Variants in COL8A2 observed in about 807,000 individuals in gnomAD.
COL8A2 encodes the protein collagen type VIII alpha 2 chain, also known as collagen alpha-2(VIII) chain.
A neutral mutation model predicts 24.0 loss-of-function variants in COL8A2; 16 were observed. That is an observed-to-expected ratio of 0.67 (90% CI 0.45 to 1.01). COL8A2 has a LOEUF of 1.01. Among genes scored for constraint, COL8A2 ranks in the 50% least tolerant of loss-of-function variants. COL8A2 has a pLI of 0.00. For missense variants in COL8A2, 818 were observed against 942.4 expected (o/e 0.87, Z 1.73); for synonymous variants, 466 against 424.5 (o/e 1.10, Z -1.20).
intron 2 of COL8A2, among the ~76,000 whole-genome samples, chr1:36,111,987 G>GTTGT (rs1349653980): frequency 6.6e-6 from 1 of 152,000 alleles, no homozygotes; most frequent in Non-Finnish European, 1.5e-5. Flanking sequence ...CACTTCTGTT[G>GTTGT]TTGTTTATTT....
intron 2 of COL8A2, among the ~76,000 whole-genome samples, chr1:36,107,303 C>A (rs1643775371): frequency 1.3e-5 from 2 of 151,918 alleles, no homozygotes; most frequent in African/African-American, 4.8e-5. Flanking sequence ...ACTTGGAAGG[C>A]TGAAGTGGGA....
At chr1:36,114,990 AG>A (rs1643872384) in intron 2 of COL8A2, among the ~76,000 whole-genome samples, 2 of 152,196 alleles carry the variant, frequency 1.3e-5, no homozygotes, top group African/African-American at 2.4e-5. Context: ...CAAAGTGCCC[AG>A]GAAGGTAAGA....
At chr1:36,104,568 G>A (rs1311409890) in intron 2 of COL8A2, among the ~76,000 whole-genome samples, 2 of 152,052 alleles carry the variant, frequency 1.3e-5, no homozygotes, top group East Asian at 1.9e-4. Flanking sequence ...AGCACTTTGG[G>A]AGGCCGAGGC....
rs1233937059 is a variant in COL8A2, at chr1:36,098,585, C to A, written c.1096G>T (p.Ala366Ser). Residue 366 changes from alanine (A) to serine (S), a missense_variant, in exon 4 of 4, where the codon GCA becomes TCA. Physicochemically the swap from Ala to Ser is moderately conservative, Grantham distance 99. Transcript: ENST00000397799. The stretch of plus-strand genomic sequence containing the variant: ...GGCCCACGTCTGCCAGGAAGCCCTG[C>A]AGACCCAGGAAGTCCAGGGGGACCC... ...LGGPPGLPGS[A>S]GLPGRRGPPG... 2 of 1,610,016 alleles carry A rather than the reference C, an allele frequency of 1.2e-6. No homozygotes were observed. The highest frequency in any genetic ancestry group is 1.3e-5 in the African/African-American group (1 of 74,886).
At chr1:36,122,839 T>A (rs960804784) in intron 1 of COL8A2, among the ~76,000 whole-genome samples, 5 of 152,026 alleles carry the variant, frequency 3.3e-5, no homozygotes, top group Non-Finnish European at 2.9e-5. Context: ...CCCTTAGAAA[T>A]CTGACCTCAA....
chr1:36,102,664 G>GTT (rs201487516), intron 2 of COL8A2, among the ~76,000 whole-genome samples: 42,676 of 91,704 alleles, frequency 0.47, 12,901 homozygotes, highest in Non-Finnish European at 0.59. Context: ...TATAAAGCTG[G>GTT]TTTTTTGTTT....
chr1:36,121,224 A>G (rs1643911612), intron 1 of COL8A2, among the ~76,000 whole-genome samples: 1 of 150,718 alleles, frequency 6.6e-6, no homozygotes, highest in Admixed American at 6.6e-5. Flanking sequence ...CTCCATCTCT[A>G]CTAAAAATAC....
chr1:36,104,073 G>A (rs1439110942), intron 2 of COL8A2, among the ~76,000 whole-genome samples: 1 of 151,482 alleles, frequency 6.6e-6, no homozygotes, highest in Non-Finnish European at 1.5e-5. Flanking sequence ...AGGCACCTGT[G>A]ATCCCAGCTA....
intron 3 of COL8A2, 91 bp downstream of exon 3, chr1:36,099,959 A>G (rs2124076134): frequency 8.2e-7 from 1 of 1,222,348 alleles, no homozygotes; most frequent in Non-Finnish European, 1.2e-6. Flanking sequence ...GGAGCTGTGG[A>G]GGGCGCCTGA....
In COL8A2 at chr1:36,102,675, T is replaced by TG. The variant is rs1229379520; in HGVS notation, c.-16-2418_-16-2417insC. On this transcript the variant is annotated intron_variant, in intron 2 of 3. Coordinates refer to ENST00000397799, the MANE Select transcript of COL8A2 (RefSeq NM_005202.4). Reference sequence around the variant, plus strand: ...TATCTATAAAGCTGGTTTTTTGTTTTTTTTTTTTTTTTTTGAGATGGAGTC... The same window carrying TG: ...TATCTATAAAGCTGGTTTTTTGTTTTGTTTTTTTTTTTTTTGAGATGGAGTC... 8.3e-4 allele frequency among the ~76,000 whole-genome samples: 113 copies of TG among 135,440 alleles called. 2 individuals carry two copies. The highest frequency in any genetic ancestry group is 3.0e-3 in the African/African-American group (111 of 36,780). 88.9% of individuals were successfully genotyped at this position (135,440 alleles called of 152,430 possible).
rs999429000 is a variant in COL8A2 at position 36,115,517 on chromosome 1, C to T, written c.-17+191G>A. Among the ~76,000 whole-genome samples the T allele has an allele frequency of 2.0e-5, 3 of 152,100 alleles. No homozygotes were observed. The highest frequency in any genetic ancestry group is 4.8e-5 in the African/African-American group (2 of 41,422). On this transcript the variant is annotated intron_variant, in intron 2 of 3. Coordinates refer to ENST00000397799, the MANE Select transcript of COL8A2 (RefSeq NM_005202.4). The surrounding 1 kb of genome is among the most constrained non-coding windows in gnomAD (Gnocchi z 5.7). ...TTCACAAATGAGAAAAAGCTGCTTC[C>T]GAGTTGGGCCAGGGTTTTAAAGCCC...
chr1:36,102,641 T>C (rs1643693420), intron 2 of COL8A2, among the ~76,000 whole-genome samples: 1 of 151,092 alleles, frequency 6.6e-6, no homozygotes, highest in Non-Finnish European at 1.5e-5. Context: ...TTGTATGATG[T>C]GTGAATTATA....
chr1:36,098,027 C>T lies in COL8A2; in HGVS notation c.1654G>A (p.Glu552Lys). The stretch of plus-strand genomic sequence containing the variant: ...CCCCCCTTGCCCAGCACGGCACCCT[C>T]CACACCGCCGTTGGGCAGGTGCAAG... ...AGLHLPNGGV[E>K]GAVLGKGGKP... The change falls in exon 4 of 4, where the codon GAG (glutamate) becomes AAG (lysine). Residue 552 changes from glutamate to lysine, a missense_variant. Physicochemically the swap from Glu to Lys is moderately conservative, Grantham distance 56 (BLOSUM62 1). This residue lies in a region of COL8A2 where 235 missense variants were observed against 297.3 expected (regional missense o/e 0.79). Coordinates refer to ENST00000397799, the MANE Select transcript of COL8A2 (RefSeq NM_005202.4). The T allele has an allele frequency of 6.3e-7, 1 of 1,594,688 alleles. No homozygotes were observed. The highest frequency in any genetic ancestry group is 8.5e-7 in the Non-Finnish European group (1 of 1,174,992).
At position 36,098,205 on chromosome 1, in the gene COL8A2, AG is replaced by A. The variant is rs2124071057; in HGVS notation, c.1475del (p.Pro492LeufsTer101). On this transcript the variant is annotated frameshift_variant, in exon 4 of 4. Coordinates refer to ENST00000397799, the MANE Select transcript of COL8A2 (RefSeq NM_005202.4). LOFTEE classifies it high-confidence loss of function. ...LKGEPGLPGPPGEGRAGEPGT... is the reference protein window; with the variant it reads ...LKGEPGLPGPXGEGRAGEPGT... The stretch of plus-strand genomic sequence containing the variant: ...CAGGTTCCCCTGCTCTCCCCTCTCC[AG>A]GGGGCCCTGGCAGGCCTGGTTCCCC... The A allele has an allele frequency of 1.3e-6, 2 of 1,538,284 alleles. No individual in the cohort carries two copies. Among genetic ancestry groups the A allele is most frequent in the Non-Finnish European group, 8.7e-7 (1 of 1,143,150 alleles).
Position 36,098,890 on chromosome 1 carries a change from C to A in COL8A2, c.791G>T (p.Gly264Val). The A allele has an allele frequency of 6.2e-7, 1 of 1,612,456 alleles. No homozygotes were observed. The highest frequency in any genetic ancestry group is 8.5e-7 in the Non-Finnish European group (1 of 1,179,726). ...TTTTGGGCCCACAGCTCCTGGCTCC[C>A]CCCTGGGGCCTGGAACTCCAGGAGG... is the stretch of plus-strand genomic sequence containing the variant. The part of the protein sequence containing the change: ...SGPPGVPGPR[G>V]EPGAVGPKGP... Residue 264 changes from glycine to valine, a missense_variant, in exon 4 of 4, where the codon GGG becomes GTG. Gly to Val is a moderately radical substitution (Grantham distance 109). Coordinates refer to ENST00000397799, the MANE Select transcript of COL8A2 (RefSeq NM_005202.4).
chr1:36,097,727 T>TGTACTCATC lies in COL8A2; in HGVS notation c.1945_1953dup (p.Asp649_Tyr651dup). Reference sequence around the variant, plus strand: ...GATGCCTGGTCCAGGTAGCCCTTCTTGTACTCATCGTAGGTATAGGTGGCC... The same window carrying TGTACTCATC: ...GATGCCTGGTCCAGGTAGCCCTTCTTGTACTCATCGTACTCATCGTAGGTATAGGTGGCC... On this transcript the variant is annotated inframe_insertion, in exon 4 of 4. Transcript: ENST00000397799. 1.9e-6 allele frequency: 3 copies of TGTACTCATC among 1,613,740 alleles called. No homozygotes were observed. The South Asian group carries it at 3.3e-5, about 18-fold the overall frequency.
intron 3 of COL8A2, among the ~76,000 whole-genome samples, chr1:36,099,820 A>C (rs547850631): frequency 2.0e-5 from 3 of 152,262 alleles, no homozygotes; most frequent in African/African-American, 4.8e-5. Context: ...GTGGGAGCAG[A>C]GCCCCACCTC....
rs764603717 is a variant in COL8A2 at position 36,098,101 on chromosome 1, G to A, written c.1580C>T (p.Pro527Leu). ...GGCCCCAGGGGCACCAGGGGGTCCC[G>A]GGGGCCCGGGAGGCCCCGGAGGGCC... ...ITGPPGPPGP[P>L]GPPGAPGAFD... Residue 527 changes from proline (P) to leucine (L), a missense_variant, in exon 4 of 4, where the codon CCG becomes CTG. By Grantham distance (98) the Pro-to-Leu change is moderately conservative (BLOSUM62 -3). Transcript: ENST00000397799. The A allele has an allele frequency of 9.2e-6, 14 of 1,520,750 alleles. No homozygotes were observed. Among genetic ancestry groups the A allele is most frequent in the African/African-American group, 1.4e-5 (1 of 72,110 alleles). The allele number at this position is 1,520,750 out of a possible 1,614,324, so 94.2% of individuals were successfully genotyped here. A position where few individuals can be genotyped will look rare whatever the true frequency, so the allele number is the denominator to read the frequency against.
chr1:36,116,835 G>A (rs1643881977), intron 1 of COL8A2, among the ~76,000 whole-genome samples: 1 of 152,214 alleles, frequency 6.6e-6, no homozygotes, highest in Non-Finnish European at 1.5e-5. Context: ...GAGCAATGGG[G>A]AGCCATGGAG....
Sources: gnomAD v4.1 joint callset for allele counts (sites outside exome capture counted in the v4.1 genomes callset) on GRCh38, gnomAD v4.1.1 for gene constraint, gnomAD v4.1.1 regional missense constraint, Gnocchi (gnomAD v3.1) non-coding constraint, MANE v1.5 for transcripts, NCBI Gene and HGNC (gene_info 2026-07-23, HGNC 2026-07-21) for gene names.